Variants in EP400 observed in about 807,000 individuals in gnomAD.
EP400 encodes the protein E1A binding protein p400.
A neutral mutation model predicts 354.1 loss-of-function variants in EP400; 105 were observed. The ratio of observed to expected loss-of-function variants is 0.30; its 90% confidence interval spans 0.25 to 0.35. The LOEUF (loss-of-function observed/expected upper bound fraction) is 0.35, where lower values mean the gene tolerates loss of function less well. EP400 is among the 10% of genes least tolerant of loss of function. The pLI is 1.00. For missense variants in EP400, 3,280 were observed against 4,121.0 expected, an observed-to-expected ratio of 0.80 and a Z score of 5.59; for synonymous variants, 1,646 against 1,716.9, an observed-to-expected ratio of 0.96 and a Z score of 1.02.
intron 45 of EP400, among the ~76,000 whole-genome samples, chr12:132,058,602 A>C (rs1056283480): frequency 1.3e-5 from 2 of 151,916 alleles, no homozygotes; most frequent in Admixed American, 6.6e-5. Flanking sequence ...CACCCACCTC[A>C]GCCTCCCAAA....
chr12:132,067,286 C>T lies in EP400; in HGVS notation c.8750-76C>T. On this transcript the variant is annotated intron_variant, in intron 49 of 52. Coordinates refer to ENST00000389561, the MANE Select transcript of EP400 (RefSeq NM_015409.5). This position sits in a 1 kb window ranked among gnomAD's most constrained non-coding sequence, Gnocchi z 5.3. Reference sequence around the variant, plus strand: ...TTTGTTATTTTCTGTAGAGGTGAGTCAGTTGGAACAGAGCTTGGCGTGAGC... The same window carrying T: ...TTTGTTATTTTCTGTAGAGGTGAGTTAGTTGGAACAGAGCTTGGCGTGAGC... The T allele has an allele frequency of 6.4e-7, 1 of 1,555,062 alleles. No individual in the cohort carries two copies.
At chr12:131,974,826 T>C (rs1377621552) in intron 2 of EP400, among the ~76,000 whole-genome samples, 1 of 151,426 alleles carries the variant, frequency 6.6e-6, no homozygotes, top group Non-Finnish European at 1.5e-5. Context: ...CATCTGTACT[T>C]AAAAATACAA....
At chr12:132,076,393 C>A in intron 51 of EP400, 123 bp from the exon 52 acceptor site, 1 of 963,788 alleles carries the variant, frequency 1.0e-6, no homozygotes, top group Non-Finnish European at 1.6e-6. Flanking sequence ...ACGAGAATTG[C>A]TCTTCTGTGT....
rs550529489 is a variant in EP400 at position 131,981,621 on chromosome 12, T to TC, written c.1543+29dup. On this transcript the variant is annotated intron_variant, in intron 4 of 52. Coordinates refer to ENST00000389561, the MANE Select transcript of EP400 (RefSeq NM_015409.5). ...GGTAAGGCCCAGCAGCAGAGCCAGCTCCCCGCTCAGGAGCAGGCAGCACAC... is the reference window on the plus strand; with the variant it reads ...GGTAAGGCCCAGCAGCAGAGCCAGCTCCCCCGCTCAGGAGCAGGCAGCACAC... 149 of 1,571,294 alleles carry TC rather than the reference T, an allele frequency of 9.5e-5. No individual in the cohort carries two copies. In the East Asian group the frequency reaches 3.0e-3, roughly 32 times the overall value.
rs770176765 is a variant in EP400 at position 132,006,294 on chromosome 12, A to C, written c.3118A>C (p.Thr1040Pro). The C allele has an allele frequency of 6.2e-7, 1 of 1,613,998 alleles. No homozygotes were observed. The highest frequency in any genetic ancestry group is 1.3e-5 in the African/African-American group (1 of 74,964). Residue 1040 changes from threonine (T) to proline (P), a missense_variant, in exon 14 of 53, where the codon ACA (threonine) becomes CCA (proline). Transcript: ENST00000389561. ...AILPKGSARV[T>P]TSVKFNAPSL... Reference sequence around the variant, plus strand: ...CCTGCCGAAGGGCAGTGCTCGGGTCACAACCTCGGTGAGGCGCTAAGCTTT... The same window carrying C: ...CCTGCCGAAGGGCAGTGCTCGGGTCCCAACCTCGGTGAGGCGCTAAGCTTT...
At chr12:132,049,175 T>G (rs1401629773) in intron 39 of EP400, among the ~76,000 whole-genome samples, 1 of 152,216 alleles carries the variant, frequency 6.6e-6, no homozygotes, top group Non-Finnish European at 1.5e-5. Flanking sequence ...CAGCAAGCCA[T>G]GCGGGGCGGG....
chr12:132,077,743 AC>A lies in EP400; in HGVS notation c.*72del. 6.8e-7 allele frequency: 1 copy of A among 1,466,350 alleles called. No homozygotes were observed. The allele number at this position is 1,466,350 out of a possible 1,614,324, so 90.8% of individuals were successfully genotyped here. A position where few individuals can be genotyped will look rare whatever the true frequency, so the allele number is the denominator to read the frequency against. Reference sequence around the variant, plus strand: ...CTCACAGAAAACGCTTTATTAGTGAACCTTGGGACCATGTCACGCAAGAGAT... The same window carrying A: ...CTCACAGAAAACGCTTTATTAGTGAACTTGGGACCATGTCACGCAAGAGAT... On this transcript the variant is annotated 3_prime_UTR_variant, in exon 53 of 53. Coordinates refer to ENST00000389561, the MANE Select transcript of EP400 (RefSeq NM_015409.5).
In EP400 at chr12:132,020,035, C is replaced by T. The variant is rs751876776; in HGVS notation, c.4278-14C>T. ...ATGCTCTGTATCTTCTTGCCTGGAC[C>T]AATGGGCATCTAGGTTGTTTCAGCC... On this transcript the variant is annotated splice_polypyrimidine_tract_variant and intron_variant, in intron 21 of 52. Coordinates refer to ENST00000389561, the MANE Select transcript of EP400 (RefSeq NM_015409.5). 6.6e-6 allele frequency: 10 copies of T among 1,517,100 alleles called. No individual in the cohort carries two copies. In the East Asian group the frequency reaches 2.5e-4, roughly 38 times the overall value. The allele number at this position is 1,517,100 out of a possible 1,614,324, so 94.0% of individuals were successfully genotyped here.
At chr12:132,051,185 A>G (rs1158016940) in intron 41 of EP400, among the ~76,000 whole-genome samples, 1 of 152,182 alleles carries the variant, frequency 6.6e-6, no homozygotes, top group Admixed American at 6.5e-5. Flanking sequence ...AGCGTTTCTG[A>G]CTGTCGGACT....
intron 23 of EP400, among the ~76,000 whole-genome samples, chr12:132,022,660 C>CT (rs60586768): frequency 0.12 from 18,099 of 145,276 alleles, 2,179 homozygotes; most frequent in African/African-American, 0.32. Context: ...CTAAGTTTTA[C>CT]TTTTTTTTTT....
Position 132,053,387 on chromosome 12 carries a change from GCCACCC to G in EP400, c.7521_7526del (p.Pro2509_Pro2510del), listed in dbSNP as rs1253581105. The G allele has an allele frequency of 6.5e-7, 1 of 1,546,960 alleles. No homozygotes were observed. Among genetic ancestry groups the G allele is most frequent in the Admixed American group, 1.9e-5 (1 of 53,732 alleles). ...AGGCACAGCAGCCGGCCGTGGCCCA[GCCACCC>G]CCGCCCCAGCCGCAGCCCCCACCAC... On this transcript the variant is annotated inframe_deletion, in exon 43 of 53. Transcript: ENST00000389561.
At chr12:132,051,552 TAGAG>T (rs1030400565) in intron 41 of EP400, among the ~76,000 whole-genome samples, 2 of 152,096 alleles carry the variant, frequency 1.3e-5, no homozygotes, top group Admixed American at 6.6e-5. Flanking sequence ...GCAGCCGAGG[TAGAG>T]AGAGAAGGAG....
intron 15 of EP400, among the ~76,000 whole-genome samples, chr12:132,010,164 T>G (rs1893719580): frequency 6.6e-6 from 1 of 151,030 alleles, no homozygotes; most frequent in Non-Finnish European, 1.5e-5. Flanking sequence ...CTCAGCTCAC[T>G]GCAACCTCTG....
rs372809426 is a variant in EP400, at chr12:132,064,743, C to T, written c.8410C>T (p.Pro2804Ser). The change falls in exon 48 of 53, where the codon CCC becomes TCC. Residue 2804 changes from proline (P) to serine (S), a missense_variant. Physicochemically the swap from Pro to Ser is moderately conservative, Grantham distance 74. This residue lies in a region of EP400 where 86 missense variants were observed against 66.4 expected (regional missense o/e 1.29). Coordinates refer to ENST00000389561, the MANE Select transcript of EP400 (RefSeq NM_015409.5). Reference sequence around the variant, plus strand: ...CCCACCGCCACAGGCCCAGTCTGCGCCCCCGCAGCCAACAGCCCAAGTGCA... The same window carrying T: ...CCCACCGCCACAGGCCCAGTCTGCGTCCCCGCAGCCAACAGCCCAAGTGCA... ...QPPPPQAQSA[P>S]PQPTAQVQVQ... 3.3e-5 allele frequency: 54 copies of T among 1,613,596 alleles called. No individual in the cohort carries two copies. Among genetic ancestry groups the T allele is most frequent in the East Asian group, 1.1e-4 (5 of 44,886 alleles).
chr12:131,992,049 C>T, intron 10 of EP400, 124 bp from the exon 11 acceptor site: 1 of 958,720 alleles, frequency 1.0e-6, no homozygotes, highest in African/African-American at 1.6e-5. Context: ...CAAATGGAGG[C>T]TGAGGGCAGC....
At chr12:131,984,580 G>A (rs1425451334) in intron 5 of EP400, among the ~76,000 whole-genome samples, 5 of 152,056 alleles carry the variant, frequency 3.3e-5, no homozygotes, top group African/African-American at 1.2e-4. Flanking sequence ...ATTCTATTTT[G>A]AACACTTCCT....
chr12:131,992,547 G>T (rs1893075557), intron 11 of EP400, among the ~76,000 whole-genome samples: 1 of 152,222 alleles, frequency 6.6e-6, no homozygotes, highest in Non-Finnish European at 1.5e-5. Flanking sequence ...GCCCTGGTAT[G>T]TCCTCTGGTA....
At chr12:131,952,367 C>T (rs945401537) in intron 1 of EP400, among the ~76,000 whole-genome samples, 19 of 151,184 alleles carry the variant, frequency 1.3e-4, no homozygotes, top group African/African-American at 4.1e-4. Context: ...AGGCTGGTCT[C>T]AAACTCCTGA....
In EP400 at chr12:132,027,070, C is replaced by A. The variant is rs1223555095; in HGVS notation, c.5015-367C>A. Among the ~76,000 whole-genome samples, 1 of 152,188 alleles carries A rather than the reference C, an allele frequency of 6.6e-6. No individual in the cohort carries two copies. Among genetic ancestry groups the A allele is most frequent in the Non-Finnish European group, 1.5e-5 (1 of 68,024 alleles). ...GGCCTCACAGTCATCAGGCGGTCAC[C>A]TGGGCTAGGAGGTGGCCATGTGCTG... On this transcript the variant is annotated intron_variant, in intron 25 of 52. Transcript: ENST00000389561. This position sits in a 1 kb window ranked among gnomAD's most constrained non-coding sequence, Gnocchi z 4.9.
Sources: gnomAD v4.1 joint callset for allele counts (sites outside exome capture counted in the v4.1 genomes callset) on GRCh38, gnomAD v4.1.1 for gene constraint, gnomAD v4.1.1 regional missense constraint, Gnocchi (gnomAD v3.1) non-coding constraint, MANE v1.5 for transcripts, NCBI Gene and HGNC (gene_info 2026-07-23, HGNC 2026-07-21) for gene names.